CCDC73: variants seen among roughly 807,000 people sequenced by gnomAD.
CCDC73 encodes coiled-coil domain containing 73.
A neutral mutation model predicts 116.5 loss-of-function variants in CCDC73; 95 were observed. That is an observed-to-expected ratio of 0.82 (90% confidence interval 0.69 to 0.97). The LOEUF is 0.97. Ranked by LOEUF, CCDC73 falls within the 50% of genes least tolerant of loss-of-function variation. The probability of loss-of-function intolerance (pLI) is 0.00; values close to 1 mark genes in which losing one functional copy is unlikely to be tolerated. For missense variants in CCDC73, 1,066 were observed against 1,206.8 expected, an observed-to-expected ratio of 0.88 and a Z score of 1.73; for synonymous variants, 398 against 401.3, an observed-to-expected ratio of 0.99 and a Z score of 0.10.
chr11:32,699,685 A>G (rs1849791849), intron 5 of CCDC73, among the ~76,000 whole-genome samples: 1 of 152,104 alleles, frequency 6.6e-6, no homozygotes, highest in Non-Finnish European at 1.5e-5. Context: ...GAACAATGAG[A>G]CCACTTGGAC....
intron 2 of CCDC73, among the ~76,000 whole-genome samples, chr11:32,718,769 C>A (rs896344609): frequency 2.4e-4 from 36 of 152,176 alleles, no homozygotes; most frequent in African/African-American, 8.2e-4. Context: ...TCTACCTAGG[C>A]AGACCTATCT....
At chr11:32,701,002 C>T (rs551530678) in intron 4 of CCDC73, among the ~76,000 whole-genome samples, 176 bp from the exon 5 acceptor site, 3 of 152,004 alleles carry the variant, frequency 2.0e-5, no homozygotes, top group African/African-American at 7.2e-5. Flanking sequence ...GAGAAAAAAG[C>T]CAGTCACTAA....
At chr11:32,829,800 C>A in the CCDC73 span, 1 of 985,418 alleles carries the variant, frequency 1.0e-6, no homozygotes, top group Non-Finnish European at 1.2e-6. Flanking sequence ...GAAGCTGGGG[C>A]GGCTGAGAGC....
rs1288689418 is a variant in CCDC73, at chr11:32,607,372, G to A, written c.3030+3760C>T. Among the ~76,000 whole-genome samples the A allele has an allele frequency of 3.3e-5, 5 of 152,044 alleles. No individual in the cohort carries two copies. In the East Asian group the frequency reaches 7.8e-4, roughly 24 times the overall value. On this transcript the variant is annotated intron_variant, in intron 17 of 17. Transcript: ENST00000335185. ...CTCCCAAAGTGCTGGGATTACAGGC[G>A]TGAGCCACCGCGCCCGGCCCAAAAA...
rs576875519 is a variant in CCDC73, at chr11:32,773,734, C to T, written c.-15-13476G>A. Among the ~76,000 whole-genome samples the T allele has an allele frequency of 2.6e-5, 4 of 151,280 alleles. No homozygotes were observed. The South Asian group carries it at 6.3e-4, about 24-fold the overall frequency. On this transcript the variant is annotated intron_variant, in intron 1 of 17. Coordinates refer to ENST00000335185, the MANE Select transcript of CCDC73 (RefSeq NM_001008391.4). Reference sequence around the variant, plus strand: ...GTTCGAGGTAACAGTGAGCTATGATCGCATTGCTGCCCTCCAGCCTGGGTA... The same window carrying T: ...GTTCGAGGTAACAGTGAGCTATGATTGCATTGCTGCCCTCCAGCCTGGGTA...
intron 7 of CCDC73, chr11:32,682,030 T>C (rs1385423192): frequency 2.0e-5 from 3 of 151,860 alleles, no homozygotes; most frequent in African/African-American, 7.2e-5. Flanking sequence ...AAATATCATT[T>C]TAGTAAGTAT....
At chr11:32,785,221 C>T (rs1366659543) in intron 1 of CCDC73, among the ~76,000 whole-genome samples, 2 of 151,548 alleles carry the variant, frequency 1.3e-5, no homozygotes, top group Non-Finnish European at 2.9e-5. Context: ...CAGCAATCTC[C>T]TCACATATGG....
At chr11:32,707,359 T>G (rs1228680529) in intron 3 of CCDC73, among the ~76,000 whole-genome samples, 1 of 152,052 alleles carries the variant, frequency 6.6e-6, no homozygotes, top group African/African-American at 2.4e-5. Context: ...AGTACTATGT[T>G]ATCTTCAGTG....
rs1855441381 is a variant in CCDC73, at chr11:32,613,529, A to G, written c.2789T>C (p.Leu930Ser). The G allele has an allele frequency of 1.2e-6, 2 of 1,614,136 alleles. No individual in the cohort carries two copies. The highest frequency in any genetic ancestry group is 4.5e-5 in the East Asian group (2 of 44,878). The part of the protein sequence containing the change: ...TASSSTPCIS[L>S]LLKERPLDPS... Reference sequence around the variant, plus strand: ...ATCTAGTGGTCTCTCCTTCAGCAACAAAGAAATGCAAGGGGTCGAACTGCT... The same window carrying G: ...ATCTAGTGGTCTCTCCTTCAGCAACGAAGAAATGCAAGGGGTCGAACTGCT... The change falls in exon 16 of 18, where the codon TTG (leucine) becomes TCG (serine). Residue 930 changes from leucine to serine, a missense_variant. Coordinates refer to ENST00000335185, the MANE Select transcript of CCDC73 (RefSeq NM_001008391.4).
At chr11:32,752,128 A>G (rs998654509) in intron 2 of CCDC73, among the ~76,000 whole-genome samples, 1 of 152,208 alleles carries the variant, frequency 6.6e-6, no homozygotes, top group Non-Finnish European at 1.5e-5. Flanking sequence ...TTCTAAGAGA[A>G]AAAGCCCCAG....
chr11:32,776,934 A>ATATAT (rs1554970176), intron 1 of CCDC73, among the ~76,000 whole-genome samples: 1 of 30,178 alleles, frequency 3.3e-5, no homozygotes, highest in African/African-American at 1.1e-4. Context: ...TTAAAAAAAA[A>ATATAT]AAATATATAT....
chr11:32,775,780 C>A (rs984108400), intron 1 of CCDC73, among the ~76,000 whole-genome samples: 1 of 151,956 alleles, frequency 6.6e-6, no homozygotes, highest in African/African-American at 2.4e-5. Flanking sequence ...CCTTTTTGTA[C>A]CTACTTTCTT....
chr11:32,772,821 T>C (rs1238905980), intron 1 of CCDC73, among the ~76,000 whole-genome samples: 1 of 152,136 alleles, frequency 6.6e-6, no homozygotes, highest in East Asian at 1.9e-4. Context: ...TTGACAAGGA[T>C]GTGAGAAATT....
At chr11:32,728,106 G>A (rs1850044603) in intron 2 of CCDC73, among the ~76,000 whole-genome samples, 1 of 151,830 alleles carries the variant, frequency 6.6e-6, no homozygotes, top group Non-Finnish European at 1.5e-5. Flanking sequence ...TTAAAATTTA[G>A]CCAGGCATGA....
upstream of CCDC73, among the ~76,000 whole-genome samples, chr11:32,797,985 G>A (rs936063547): frequency 6.6e-5 from 10 of 152,172 alleles, no homozygotes; most frequent in South Asian, 2.1e-4. Context: ...ACAGACTGCC[G>A]TCAAAACTTT....
chr11:32,723,212 A>G lies in CCDC73; in HGVS notation c.136-5065T>C, dbSNP rs117429785. ...AATAAAAACTAGAAATATTTGTTGA[A>G]TGAAAAACAAAAGAATGTAAGAATT... On this transcript the variant is annotated intron_variant, in intron 2 of 17. Coordinates refer to ENST00000335185, the MANE Select transcript of CCDC73 (RefSeq NM_001008391.4). 3.5e-4 allele frequency among the ~76,000 whole-genome samples: 53 copies of G among 152,344 alleles called. No individual in the cohort carries two copies. In the East Asian group the frequency reaches 9.2e-3, roughly 27 times the overall value.
the CCDC73 span, among the ~76,000 whole-genome samples, chr11:32,814,349 A>G: frequency 6.6e-6 from 1 of 152,226 alleles, no homozygotes; most frequent in Admixed American, 6.5e-5. Context: ...CAGGCTAGCT[A>G]GAAATTTCTG....
chr11:32,670,531 A>G (rs1231954559), intron 9 of CCDC73, among the ~76,000 whole-genome samples: 4 of 152,092 alleles, frequency 2.6e-5, no homozygotes, highest in African/African-American at 7.2e-5. Flanking sequence ...CAAAAAAAAA[A>G]AAAAAAATTA....
upstream of CCDC73, among the ~76,000 whole-genome samples, chr11:32,796,766 T>C (rs896455319): frequency 1.1e-4 from 16 of 152,012 alleles, no homozygotes; most frequent in Admixed American, 9.2e-4. Flanking sequence ...TCCCAATACT[T>C]TGGGAGGCCA....
Sources: allele counts gnomAD v4.1 joint callset (sites outside exome capture counted in the v4.1 genomes callset), GRCh38; gene constraint gnomAD v4.1.1; transcripts MANE v1.5; gene names NCBI Gene and HGNC (gene_info 2026-07-23, HGNC 2026-07-21).